The following ODF2 variants were observed in gnomAD, a reference collection of about 807,000 sequenced individuals.
ODF2 encodes the protein outer dense fiber of sperm tails 2, also known as outer dense fiber protein 2.
Under a neutral mutation model 110.2 loss-of-function variants are expected in ODF2, and 47 were observed. The ratio of observed to expected loss-of-function variants is 0.43; its 90% CI spans 0.34 to 0.54. The LOEUF (loss-of-function observed/expected upper bound fraction) is 0.54. Among genes scored for constraint, ODF2 ranks in the 20% least tolerant of loss-of-function variants. The probability of loss-of-function intolerance (pLI) is 0.03; values close to 1 mark genes in which losing one functional copy is unlikely to be tolerated. For missense variants in ODF2, 812 were observed against 1,054.5 expected, an observed-to-expected ratio of 0.77 and a Z score of 3.19; for synonymous variants, 352 against 397.7, an observed-to-expected ratio of 0.89 and a Z score of 1.37.
chr9:128,472,582 G>A (rs1371757827), intron 6 of ODF2, among the ~76,000 whole-genome samples: 1 of 152,134 alleles, frequency 6.6e-6, no homozygotes, highest in Non-Finnish European at 1.5e-5. Context: ...AGAGGTAGAA[G>A]GGCTCAAAAT....
At chr9:128,481,628 G>A in exon 9 of ODF2, 2 of 1,614,026 alleles carry the variant, frequency 1.2e-6, no homozygotes, top group Non-Finnish European at 8.5e-7. Flanking sequence ...GAAACGGCTG[G>A]CGGAGGCCGA....
upstream of ODF2, chr9:128,455,980 C>G: frequency 7.1e-7 from 1 of 1,410,568 alleles, no homozygotes; most frequent in Non-Finnish European, 9.2e-7. Flanking sequence ...TGACGGGACG[C>G]GTGGCCCGGA....
upstream of ODF2, chr9:128,455,996 GCGGC>G (rs1834674504): frequency 8.5e-6 from 12 of 1,417,966 alleles, no homozygotes; most frequent in Non-Finnish European, 1.0e-5. Context: ...CCGGAAGTGG[GCGGC>G]CCTTCTGGCG....
At chr9:128,492,509 G>A in exon 15 of ODF2, 1 of 1,613,788 alleles carries the variant, frequency 6.2e-7, no homozygotes, top group Non-Finnish European at 8.5e-7. Context: ...AGAACTATGA[G>A]GGGATGATTG....
At chr9:128,455,397 A>C (rs1340056279), upstream of ODF2, 2 of 467,282 alleles carry the variant, frequency 4.3e-6, no homozygotes, top group Non-Finnish European at 7.3e-6. Context: ...TAAAAATACA[A>C]AAAAAAATTA....
intron 8 of ODF2, among the ~76,000 whole-genome samples, chr9:128,477,908 C>A (rs933913940): frequency 3.3e-5 from 5 of 152,046 alleles, no homozygotes; most frequent in Non-Finnish European, 7.4e-5. Context: ...CACTCACCGC[C>A]CAGCTTTTAA....
chr9:128,461,121 G>A, intron 4 of ODF2, 54 bp downstream of exon 4: 4 of 1,584,666 alleles, frequency 2.5e-6, no homozygotes, highest in Non-Finnish European at 3.4e-6. Context: ...ATCCTAGCAG[G>A]CCTCAGCCTC....
At chr9:128,492,621 A>C in intron 15 of ODF2, 80 bp from the exon 16 acceptor site, 1 of 1,530,470 alleles carries the variant, frequency 6.5e-7, no homozygotes, top group Non-Finnish European at 9.0e-7. Context: ...GGCCACTCCC[A>C]GGGAGGGTTG....
intron 18 of ODF2, among the ~76,000 whole-genome samples, chr9:128,496,524 C>G (rs1034156276): frequency 6.6e-6 from 1 of 152,224 alleles, no homozygotes; most frequent in African/African-American, 2.4e-5. Flanking sequence ...CAAGACCTTT[C>G]TGATCTGACC....
chr9:128,477,416 G>T (rs538041947), intron 8 of ODF2, among the ~76,000 whole-genome samples: 1 of 150,944 alleles, frequency 6.6e-6, no homozygotes, highest in Non-Finnish European at 1.5e-5. Context: ...AGGTGTGGTG[G>T]CACACACCTA....
intron 4 of ODF2, among the ~76,000 whole-genome samples, chr9:128,462,879 A>AT (rs1005757969): frequency 3.9e-5 from 6 of 152,202 alleles, no homozygotes; most frequent in African/African-American, 1.2e-4. Context: ...AAGTACAGGG[A>AT]TTTTTTGTAG....
chr9:128,460,737 C>A, intron 3 of ODF2, 71 bp downstream of exon 3: 1 of 1,582,418 alleles, frequency 6.3e-7, no homozygotes, highest in Non-Finnish European at 8.6e-7. Flanking sequence ...AGCCTCCTCG[C>A]ACTCTGACTC....
chr9:128,460,298 G>A lies in ODF2; in HGVS notation c.123+641G>A. The A allele has an allele frequency of 8.6e-6, 12 of 1,392,260 alleles. No individual in the cohort carries two copies. The South Asian group carries it at 1.1e-4, about 13-fold the overall frequency. 86.2% of individuals were successfully genotyped at this position (1,392,260 alleles called of 1,614,324 possible). Reference sequence around the variant, plus strand: ...CGGCGTCTGGGATCTGTTCTGGAACGGGTGGGTCTTGCAGACCCTCTCTTG... The same window carrying A: ...CGGCGTCTGGGATCTGTTCTGGAACAGGTGGGTCTTGCAGACCCTCTCTTG... On this transcript the variant is annotated intron_variant, in intron 3 of 20. Transcript: ENST00000604420.
chr9:128,484,979 G>T, intron 12 of ODF2, 93 bp downstream of exon 12: 3 of 1,239,904 alleles, frequency 2.4e-6, no homozygotes, highest in Non-Finnish European at 3.5e-6. Flanking sequence ...GCGGGGAGGG[G>T]TGGGTGGATG....
chr9:128,457,552 G>T (rs953850720), intron 2 of ODF2: 1 of 1,340,842 alleles, frequency 7.5e-7, no homozygotes, highest in Non-Finnish European at 9.9e-7. Flanking sequence ...TGAAAGTCTG[G>T]ACCAAAACGT....
downstream of ODF2, chr9:128,500,489 C>T: frequency 2.0e-6 from 1 of 512,746 alleles, no homozygotes; most frequent in Non-Finnish European, 3.5e-6. Context: ...ATTTCCTCGA[C>T]AGGCCTTAAA....
At chr9:128,458,281 C>T (rs758512981) in intron 2 of ODF2, among the ~76,000 whole-genome samples, 2 of 151,978 alleles carry the variant, frequency 1.3e-5, no homozygotes, top group Non-Finnish European at 2.9e-5. Context: ...GGTGAAACCC[C>T]GTCTTTACTA....
At position 128,496,714 on chromosome 9, in the gene ODF2, T is replaced by TTATCTATCTATC. The variant is rs56716979; in HGVS notation, c.2012+590_2012+601dup. Among the ~76,000 whole-genome samples the TTATCTATCTATC allele has an allele frequency of 1.8e-4, 27 of 149,470 alleles. No individual in the cohort carries two copies. In the East Asian group the frequency reaches 2.1e-3, roughly 11 times the overall value. ...TTTGAGGAAAGGGTCAAGGTAGAGT[T>TTATCTATCTATC]TATCTATCTATCTATCTATCTATCT... is the stretch of plus-strand genomic sequence containing the variant. On this transcript the variant is annotated intron_variant, in intron 18 of 20. Transcript: ENST00000604420.
chr9:128,493,151 G>A (rs555561565), intron 16 of ODF2, among the ~76,000 whole-genome samples: 75 of 152,032 alleles, frequency 4.9e-4, no homozygotes, highest in African/African-American at 1.7e-3. Context: ...TTGGGAGACT[G>A]AGGCAGGCAG....
Sources: allele counts gnomAD v4.1 joint callset (sites outside exome capture counted in the v4.1 genomes callset), GRCh38; gene constraint gnomAD v4.1.1; transcripts MANE v1.5; gene names NCBI Gene and HGNC (gene_info 2026-07-23, HGNC 2026-07-21).